The following BIN3 variants were observed in gnomAD, a reference collection of about 807,000 sequenced individuals.
BIN3 encodes the protein bridging integrator 3.
BIN3 carries 41 observed loss-of-function variants against 38.2 expected under a neutral mutation model. The observed-to-expected ratio is 1.07, with a 90% CI of 0.84 to 1.39. BIN3 has a LOEUF of 1.39. BIN3 is among the 40% of genes most tolerant of loss of function. The pLI is 0.00. For missense variants in BIN3, 361 were observed against 324.3 expected (o/e 1.11, Z -0.87); for synonymous variants, 145 against 122.6 (o/e 1.18, Z -1.21).
intron 2 of BIN3, among the ~76,000 whole-genome samples, chr8:22,643,819 C>T (rs1455583957): frequency 6.6e-6 from 1 of 152,230 alleles, no homozygotes; most frequent in Admixed American, 6.5e-5. Flanking sequence ...CCTCTGCCGC[C>T]AGCACAGCAC....
intron 1 of BIN3, among the ~76,000 whole-genome samples, chr8:22,654,845 G>A (rs372928430): frequency 3.9e-5 from 6 of 152,254 alleles, no homozygotes; most frequent in East Asian, 3.9e-4. Flanking sequence ...ATATATCTAG[G>A]AGCAAAACTG....
Position 22,621,294 on chromosome 8 carries a change from G to T in BIN3, c.*128C>A. 7.7e-7 allele frequency: 1 copy of T among 1,290,402 alleles called. No individual in the cohort carries two copies. 79.9% of individuals were successfully genotyped at this position (1,290,402 alleles called of 1,614,324 possible). A position where few individuals can be genotyped will look rare whatever the true frequency, so the allele number is the denominator to read the frequency against. ...CCAGGCTCAGGAAGAGTCATTCATTGCAAAGGGCCGGCAAGTGAACCAGGG... is the reference window on the plus strand; with the variant it reads ...CCAGGCTCAGGAAGAGTCATTCATTTCAAAGGGCCGGCAAGTGAACCAGGG... On this transcript the variant is annotated 3_prime_UTR_variant, in exon 9 of 9. Transcript: ENST00000276416.
At chr8:22,629,786 C>T in intron 6 of BIN3, 178 bp downstream of exon 6, 1 of 647,418 alleles carries the variant, frequency 1.5e-6, no homozygotes, top group South Asian at 1.9e-5. Context: ...TACTCTGGAG[C>T]CCCCAGGAGC....
chr8:22,625,904 C>T (rs570832180), intron 6 of BIN3: 6 of 102,432 alleles, frequency 5.9e-5, no homozygotes, highest in African/African-American at 1.8e-4. Flanking sequence ...TAAAAAGCCT[C>T]AGCAAATCAA....
intron 1 of BIN3, among the ~76,000 whole-genome samples, chr8:22,664,620 T>A (rs932890961): frequency 1.3e-5 from 2 of 152,242 alleles, no homozygotes; most frequent in African/African-American, 4.8e-5. Context: ...AACTCCGTGA[T>A]CCAATCAGCT....
intron 6 of BIN3, among the ~76,000 whole-genome samples, chr8:22,628,891 G>A (rs1031298222): frequency 2.6e-5 from 4 of 152,176 alleles, no homozygotes; most frequent in African/African-American, 7.2e-5. Context: ...AGCTCCCTAC[G>A]CAACCCTGTG....
At position 22,621,293 on chromosome 8, in the gene BIN3, T is replaced by G; in HGVS notation, c.*129A>C. ...GCCAGGCTCAGGAAGAGTCATTCAT[T>G]GCAAAGGGCCGGCAAGTGAACCAGG... On this transcript the variant is annotated 3_prime_UTR_variant, in exon 9 of 9. Transcript: ENST00000276416. The G allele has an allele frequency of 1.6e-6, 2 of 1,285,898 alleles. No homozygotes were observed. Among genetic ancestry groups the G allele is most frequent in the Non-Finnish European group, 2.1e-6 (2 of 954,454 alleles). 79.7% of individuals were successfully genotyped at this position (1,285,898 alleles called of 1,614,324 possible).
chr8:22,623,061 G>A (rs547858479), intron 8 of BIN3, among the ~76,000 whole-genome samples: 3 of 152,308 alleles, frequency 2.0e-5, no homozygotes, highest in East Asian at 3.9e-4. Context: ...GGCGCCAGAC[G>A]CCCAGCCACG....
chr8:22,639,948 G>A (rs1253596185), intron 2 of BIN3, among the ~76,000 whole-genome samples: 1 of 151,670 alleles, frequency 6.6e-6, no homozygotes, highest in Admixed American at 6.6e-5. Context: ...CGCAACCTCC[G>A]CCTCCCGGGT....
intron 2 of BIN3, among the ~76,000 whole-genome samples, chr8:22,643,425 C>T (rs758863460): frequency 6.6e-6 from 1 of 152,130 alleles, no homozygotes; most frequent in Non-Finnish European, 1.5e-5. Context: ...CGAACTCGTG[C>T]GCTCAAGCAG....
chr8:22,653,526 G>A (rs796930850), intron 1 of BIN3, among the ~76,000 whole-genome samples: 2 of 152,088 alleles, frequency 1.3e-5, no homozygotes, highest in South Asian at 2.1e-4. Context: ...TCCAACTCAG[G>A]AGCCTGTGAT....
At chr8:22,639,289 T>C (rs76849191) in intron 2 of BIN3, among the ~76,000 whole-genome samples, 2,691 of 152,042 alleles carry the variant, frequency 0.018, 64 homozygotes, top group East Asian at 0.062. Context: ...TGGAATGCGA[T>C]GGTGGCATCA....
intron 4 of BIN3, among the ~76,000 whole-genome samples, chr8:22,633,804 G>C (rs117194321): frequency 0.015 from 2,327 of 152,246 alleles, 22 homozygotes; most frequent in Non-Finnish European, 0.024. Flanking sequence ...GGCACAGCAA[G>C]CCCGCCTACA....
intron 6 of BIN3, among the ~76,000 whole-genome samples, chr8:22,627,004 C>A (rs935273141): frequency 7.9e-5 from 12 of 152,194 alleles, no homozygotes; most frequent in Admixed American, 7.9e-4. Context: ...CACCTGGCTG[C>A]ATGGGCTCCT....
rs972815460 is a variant in BIN3, at chr8:22,620,438, C to CTTGT, written c.*980_*983dup. 1.6e-5 allele frequency: 1 copy of CTTGT among 60,650 alleles called. No individual in the cohort carries two copies. Among genetic ancestry groups the CTTGT allele is most frequent in the East Asian group, 4.1e-4 (1 of 2,424 alleles). The allele number at this position is 60,650 out of a possible 1,614,324, so 3.8% of individuals were successfully genotyped here. A position where few individuals can be genotyped will look rare whatever the true frequency, so the allele number is the denominator to read the frequency against. ...TGGGGTTTTTTTTTTTTTTTTTTGG[C>CTTGT]TTGTTTTTTAAATAAACCAAAGTCA... On this transcript the variant is annotated 3_prime_UTR_variant, in exon 9 of 9. Coordinates refer to ENST00000276416, the MANE Select transcript of BIN3 (RefSeq NM_018688.6).
intron 3 of BIN3, 50 bp from the exon 4 acceptor site, chr8:22,636,636 T>A (rs1368929015): frequency 2.6e-6 from 4 of 1,537,324 alleles, no homozygotes; most frequent in Non-Finnish European, 3.5e-6. Flanking sequence ...TCCCCCTACC[T>A]GAGCGAAGCC....
intron 4 of BIN3, among the ~76,000 whole-genome samples, chr8:22,633,412 C>G (rs1488224378): frequency 6.6e-6 from 1 of 152,236 alleles, no homozygotes; most frequent in Non-Finnish European, 1.5e-5. Flanking sequence ...GGGGCACAGT[C>G]AGCCTGGCCC....
In BIN3 at chr8:22,621,553, C is replaced by T. The variant is rs201799140; in HGVS notation, c.631G>A (p.Glu211Lys). The T allele has an allele frequency of 1.1e-4, 185 of 1,613,664 alleles. No homozygotes were observed. Among genetic ancestry groups the T allele is most frequent in the Admixed American group, 1.8e-4 (11 of 60,016 alleles). Reference sequence around the variant, plus strand: ...AGGTCTCCAAAGATCTTGTGCATTTCCGAGTAGTACACAACCTGGGGGAGG... The same window carrying T: ...AGGTCTCCAAAGATCTTGTGCATTTTCGAGTAGTACACAACCTGGGGGAGG... ...LIRAQVVYYS[E>K]MHKIFGDLSH... Residue 211 changes from glutamate (E) to lysine (K), a missense_variant, in exon 9 of 9, where the codon GAA becomes AAA. Coordinates refer to ENST00000276416, the MANE Select transcript of BIN3 (RefSeq NM_018688.6).
chr8:22,624,591 C>A, intron 6 of BIN3: 1 of 542,892 alleles, frequency 1.8e-6, no homozygotes, highest in Non-Finnish European at 3.2e-6. Flanking sequence ...GGCCCTGTCC[C>A]CTGGAGCTTG....
Sources: gnomAD v4.1 joint callset for allele counts (sites outside exome capture counted in the v4.1 genomes callset) on GRCh38, gnomAD v4.1.1 for gene constraint, MANE v1.5 for transcripts, NCBI Gene and HGNC (gene_info 2026-07-23, HGNC 2026-07-21) for gene names.